The following DCAF10 variants were observed in gnomAD, a reference collection of about 807,000 sequenced individuals.
DCAF10 encodes the protein DDB1 and CUL4 associated factor 10.
In DCAF10, 19 loss-of-function variants were observed where a neutral mutation model predicts 51.9. The observed-to-expected ratio is 0.37, with a 90% CI of 0.26 to 0.54. The LOEUF (loss-of-function observed/expected upper bound fraction) is 0.54. Among genes scored for constraint, DCAF10 ranks in the 20% least tolerant of loss-of-function variants. The pLI is 0.87. For synonymous variants in DCAF10, 291 were observed against 297.1 expected (o/e 0.98, Z 0.21); for missense variants, 510 against 730.6 (o/e 0.70, Z 3.48).
At chr9:37,812,363 CAAAGAA>C (rs1389698245) in intron 1 of DCAF10, among the ~76,000 whole-genome samples, 1 of 152,004 alleles carries the variant, frequency 6.6e-6, no homozygotes, top group Non-Finnish European at 1.5e-5. Flanking sequence ...TGCACAAAGA[CAAAGAA>C]AATCTTAAAA....
intron 1 of DCAF10, among the ~76,000 whole-genome samples, chr9:37,808,051 A>T (rs1018526581): frequency 7.2e-5 from 11 of 152,154 alleles, no homozygotes; most frequent in Admixed American, 3.9e-4. Flanking sequence ...GAACAGTTAT[A>T]AAATTTTCAC....
chr9:37,812,422 A>G (rs989547293), intron 1 of DCAF10, among the ~76,000 whole-genome samples: 1 of 152,174 alleles, frequency 6.6e-6, no homozygotes, highest in African/African-American at 2.4e-5. Flanking sequence ...AGGAGGCTCA[A>G]AAAGAGAGCT....
chr9:37,829,836 G>A lies in DCAF10; in HGVS notation c.653+10435G>A, dbSNP rs945111041. On this transcript the variant is annotated intron_variant, in intron 2 of 6. Transcript: ENST00000377724. This position sits in a 1 kb window ranked among gnomAD's most constrained non-coding sequence, Gnocchi z 4.2. ...AGCCTGGGCAACACAGTGAGACTCCGTCTCTACAAACAATTTAAAAATTAG... is the reference window on the plus strand; with the variant it reads ...AGCCTGGGCAACACAGTGAGACTCCATCTCTACAAACAATTTAAAAATTAG... 2.0e-5 allele frequency among the ~76,000 whole-genome samples: 3 copies of A among 152,090 alleles called. No homozygotes were observed. Among genetic ancestry groups the A allele is most frequent in the African/African-American group, 7.2e-5 (3 of 41,424 alleles).
intron 1 of DCAF10, among the ~76,000 whole-genome samples, chr9:37,817,040 A>G (rs558259776): frequency 1.3e-5 from 2 of 152,332 alleles, no homozygotes; most frequent in South Asian, 4.1e-4. Context: ...AGATAGTGTG[A>G]TGTTGCATAG....
intron 3 of DCAF10, among the ~76,000 whole-genome samples, chr9:37,849,091 C>T (rs996719765): frequency 4.0e-5 from 6 of 151,348 alleles, no homozygotes; most frequent in African/African-American, 1.5e-4. Context: ...GGAAATTTAT[C>T]AAAAGTATAT....
At chr9:37,810,447 C>T (rs1284387444) in intron 1 of DCAF10, among the ~76,000 whole-genome samples, 2 of 150,898 alleles carry the variant, frequency 1.3e-5, no homozygotes, top group Admixed American at 6.6e-5. Flanking sequence ...AATGGTATTT[C>T]TTTCTTTCTT....
chr9:37,866,296 T>C lies in DCAF10; in HGVS notation c.*4788T>C, dbSNP rs1587141840. On this transcript the variant is annotated 3_prime_UTR_variant, in exon 7 of 7. Transcript: ENST00000377724. ...ATCATGCTCAGTATAATTCACATTT[T>C]CATGATGAAAAGTTAAAGTTATATT... 6.6e-6 allele frequency: 1 copy of C among 152,654 alleles called. No homozygotes were observed. Among genetic ancestry groups the C allele is most frequent in the South Asian group, 2.1e-4 (1 of 4,832 alleles). 9.5% of individuals were successfully genotyped at this position (152,654 alleles called of 1,614,324 possible). A position where few individuals can be genotyped will look rare whatever the true frequency, so the allele number is the denominator to read the frequency against.
chr9:37,854,247 A>G (rs1830779884), intron 3 of DCAF10, among the ~76,000 whole-genome samples: 2 of 152,002 alleles, frequency 1.3e-5, no homozygotes, highest in Non-Finnish European at 2.9e-5. Context: ...CTATGAGTGC[A>G]CACCACCACA....
rs1289285627 is a variant in DCAF10, at chr9:37,801,493, C to T, written c.539+88C>T. 2.3e-6 allele frequency: 3 copies of T among 1,330,278 alleles called. No individual in the cohort carries two copies. Among genetic ancestry groups the T allele is most frequent in the African/African-American group, 1.5e-5 (1 of 64,608 alleles). The allele number at this position is 1,330,278 out of a possible 1,614,324, so 82.4% of individuals were successfully genotyped here. ...CCGTCCTGGGCTCGCTCCCCGCGCC[C>T]GGGCCGAGGTTAGCGAGGCCGTTTG... On this transcript the variant is annotated intron_variant, in intron 1 of 6. Transcript: ENST00000377724. This position sits in a 1 kb window ranked among gnomAD's most constrained non-coding sequence, Gnocchi z 5.5.
chr9:37,811,078 C>A (rs145599120), intron 1 of DCAF10, among the ~76,000 whole-genome samples: 1 of 152,046 alleles, frequency 6.6e-6, no homozygotes, highest in Non-Finnish European at 1.5e-5. Flanking sequence ...ACCTTTAATC[C>A]AAGTTCTTTG....
chr9:37,812,500 G>A (rs944944650), intron 1 of DCAF10, among the ~76,000 whole-genome samples: 1 of 127,390 alleles, frequency 7.8e-6, no homozygotes, highest in African/African-American at 3.0e-5. Flanking sequence ...GAGAGAATTT[G>A]CCACTATCAG....
rs71494679 is a variant in DCAF10 at position 37,850,826 on chromosome 9, TTA to T, written c.852-3899_852-3898del. Among the ~76,000 whole-genome samples the T allele has an allele frequency of 8.7e-3, 397 of 45,576 alleles. 1 individual carries two copies. Among genetic ancestry groups the T allele is most frequent in the East Asian group, 0.012 (10 of 804 alleles). The allele number at this position is 45,576 out of a possible 152,430, so 29.9% of individuals were successfully genotyped here. On this transcript the variant is annotated intron_variant, in intron 3 of 6. Transcript: ENST00000377724. The stretch of plus-strand genomic sequence containing the variant: ...AATGCTAAGTATGTGAGGATATATT[TTA>T]TATATATATATATATATATATATAT...
chr9:37,800,633 C>G (rs1828886459), upstream of DCAF10: 1 of 1,536,022 alleles, frequency 6.5e-7, no homozygotes, highest in Non-Finnish European at 8.7e-7. Flanking sequence ...CCCAGATGCT[C>G]AGTCGCTCAC....
At chr9:37,850,221 G>A (rs535877995) in intron 3 of DCAF10, among the ~76,000 whole-genome samples, 2 of 152,286 alleles carry the variant, frequency 1.3e-5, no homozygotes, top group East Asian at 3.9e-4. Flanking sequence ...ACAGTAGGGA[G>A]GTTCCTCAAA....
chr9:37,843,095 G>A (rs1589105183), intron 3 of DCAF10, among the ~76,000 whole-genome samples: 1 of 152,332 alleles, frequency 6.6e-6, no homozygotes, highest in Middle Eastern at 3.4e-3. Context: ...ACAGCTCACT[G>A]CAGACTGGAT....
intron 3 of DCAF10, among the ~76,000 whole-genome samples, chr9:37,850,037 C>G (rs978426965): frequency 6.6e-6 from 1 of 152,114 alleles, no homozygotes; most frequent in African/African-American, 2.4e-5. Flanking sequence ...CTAGGCTGGG[C>G]AAGAGATTGA....
chr9:37,836,032 C>T lies in DCAF10; in HGVS notation c.654-6057C>T, dbSNP rs934115040. The T allele has an allele frequency of 5.4e-5, 57 of 1,054,530 alleles. No individual in the cohort carries two copies. In the East Asian group the frequency reaches 8.8e-4, roughly 16 times the overall value. The allele number at this position is 1,054,530 out of a possible 1,614,324, so 65.3% of individuals were successfully genotyped here. ...CCGGCACACGGCCCCAAACGCCGTC[C>T]GCGCCGCCACGGTAAGGCTGTATTG... On this transcript the variant is annotated intron_variant, in intron 2 of 6. Coordinates refer to ENST00000377724, the MANE Select transcript of DCAF10 (RefSeq NM_024345.5).
intron 2 of DCAF10, among the ~76,000 whole-genome samples, chr9:37,827,941 C>T (rs1170001934): frequency 6.6e-6 from 1 of 152,246 alleles, no homozygotes; most frequent in Admixed American, 6.5e-5. Flanking sequence ...CAGAGTCCCA[C>T]TCTGTTGCCC....
Position 37,854,837 on chromosome 9 carries a change from A to G in DCAF10, c.909A>G (p.Arg303=), listed in dbSNP as rs1830799378. ...TCTTTCACACACGTTTTCTCATGCG[A>G]ATGAGGTTAACACCAGATTGTTCCA... is the stretch of plus-strand genomic sequence containing the variant. The part of the protein sequence containing the change: ...KKFFHTRFLM[R]MRLTPDCSKM... Residue 303 remains arginine, a synonymous_variant, in exon 4 of 7, where the codon CGA becomes CGG. Transcript: ENST00000377724. 6.2e-7 allele frequency: 1 copy of G among 1,614,084 alleles called. No individual in the cohort carries two copies. Among genetic ancestry groups the G allele is most frequent in the Non-Finnish European group, 8.5e-7 (1 of 1,180,000 alleles).
Sources: allele counts gnomAD v4.1 joint callset (sites outside exome capture counted in the v4.1 genomes callset), GRCh38; gene constraint gnomAD v4.1.1; non-coding constraint Gnocchi (gnomAD v3.1); transcripts MANE v1.5; gene names NCBI Gene and HGNC (gene_info 2026-07-23, HGNC 2026-07-21).